The following TPM1 variants were observed in gnomAD, a reference collection of about 807,000 sequenced individuals.
TPM1 encodes tropomyosin 1.
TPM1 carries 24 observed loss-of-function variants against 42.9 expected under a neutral mutation model. The observed-to-expected ratio is 0.56, with a 90% confidence interval of 0.41 to 0.79. The LOEUF is 0.79. Among genes scored for constraint, TPM1 ranks in the 30% least tolerant of loss-of-function variants. The pLI is 0.00. For synonymous variants in TPM1, 136 were observed against 130.1 expected (o/e 1.05, Z -0.31); for missense variants, 158 against 351.8 (o/e 0.45, Z 4.41).
intron 2 of TPM1, 180 bp from the exon 3 acceptor site, chr15:63,056,805 A>G: frequency 1.3e-6 from 1 of 765,864 alleles, no homozygotes; most frequent in Non-Finnish European, 2.3e-6. Flanking sequence ...TCACTGTATA[A>G]ATCAATGTGT....
At chr15:63,044,199 C>T (rs1471498477) in intron 2 of TPM1, 47 bp downstream of exon 2, 4 of 1,613,946 alleles carry the variant, frequency 2.5e-6, no homozygotes, top group Non-Finnish European at 1.7e-6. Flanking sequence ...CCTGCGTGGC[C>T]ACTCCGGGGT....
chr15:63,063,745 C>G lies in TPM1; in HGVS notation c.773-319C>G, dbSNP rs1241117816. ...TTCCATTAGCCCCTGCCTCCCCTCA[C>G]CAGGAGACAGCCTTCTGTGGTTTCG... On this transcript the variant is annotated intron_variant, in intron 8 of 9. Coordinates refer to ENST00000403994, the MANE Select transcript of TPM1 (RefSeq NM_001018005.2). 3 of 292,528 alleles carry G rather than the reference C, an allele frequency of 1.0e-5. No individual in the cohort carries two copies. In the East Asian group the frequency reaches 2.1e-4, roughly 20 times the overall value. The allele number at this position is 292,528 out of a possible 1,614,324, so 18.1% of individuals were successfully genotyped here. A position where few individuals can be genotyped will look rare whatever the true frequency, so the allele number is the denominator to read the frequency against.
intron 2 of TPM1, among the ~76,000 whole-genome samples, chr15:63,052,857 G>T (rs1205214996): frequency 6.6e-6 from 1 of 151,982 alleles, no homozygotes; most frequent in African/African-American, 2.4e-5. Context: ...AGAATAAAAA[G>T]TAAAAATAAG....
intron 3 of TPM1, among the ~76,000 whole-genome samples, chr15:63,057,547 A>T (rs1033693039): frequency 5.3e-5 from 8 of 151,342 alleles, no homozygotes; most frequent in Non-Finnish European, 1.2e-4. Flanking sequence ...AGTTGTCAAA[A>T]TAGCTTAACA....
intron 8 of TPM1, 39 bp downstream of exon 8, chr15:63,062,684 G>T: frequency 3.7e-6 from 6 of 1,614,138 alleles, no homozygotes; most frequent in Non-Finnish European, 5.1e-6. Context: ...AATCCTTATG[G>T]TTGAATACCA....
chr15:63,066,094 T>C lies in TPM1; in HGVS notation c.*195T>C. 2 of 1,505,408 alleles carry C rather than the reference T, an allele frequency of 1.3e-6. No individual in the cohort carries two copies. Among genetic ancestry groups the C allele is most frequent in the Admixed American group, 2.4e-5 (1 of 42,226 alleles). The allele number at this position is 1,505,408 out of a possible 1,614,324, so 93.3% of individuals were successfully genotyped here. ...TGTCAAATAAACACTGTGTAAGCTA[T>C]TTCTGTTTGCTATTCTTTTTACTTC... On this transcript the variant is annotated 3_prime_UTR_variant, in exon 10 of 10. Coordinates refer to ENST00000403994, the MANE Select transcript of TPM1 (RefSeq NM_001018005.2).
At chr15:63,050,754 T>C (rs2033692117) in intron 2 of TPM1, among the ~76,000 whole-genome samples, 1 of 152,272 alleles carries the variant, frequency 6.6e-6, no homozygotes, top group Admixed American at 6.5e-5. Flanking sequence ...GGCTGCAAGT[T>C]GTTCCTAACT....
At chr15:63,048,149 T>TA (rs1257055876) in intron 2 of TPM1, 1 of 444,076 alleles carries the variant, frequency 2.3e-6, no homozygotes, top group African/African-American at 2.1e-5. Flanking sequence ...CAGGAGTCGC[T>TA]ATTGCCCTTA....
At chr15:63,058,849 C>T (rs2035189180) in intron 3 of TPM1, among the ~76,000 whole-genome samples, 1 of 152,194 alleles carries the variant, frequency 6.6e-6, no homozygotes, top group Non-Finnish European at 1.5e-5. Context: ...AAACATTACA[C>T]CACGCTATAG....
downstream of TPM1, chr15:63,070,839 T>G: frequency 2.3e-6 from 3 of 1,290,470 alleles, no homozygotes; most frequent in Non-Finnish European, 2.0e-6. Context: ...GTGCATTTTA[T>G]CCTCAGTGAA....
At chr15:63,043,930 C>A in intron 1 of TPM1, 97 bp from the exon 2 acceptor site, 2 of 1,558,182 alleles carry the variant, frequency 1.3e-6, no homozygotes, top group African/African-American at 1.4e-5. Context: ...CCCGCTGTCC[C>A]TGTCCTTCTG....
chr15:63,054,990 T>A (rs912237116), intron 2 of TPM1, among the ~76,000 whole-genome samples: 1 of 151,508 alleles, frequency 6.6e-6, no homozygotes, highest in African/African-American at 2.4e-5. Flanking sequence ...GACCCAAAAG[T>A]ATATCCTTAA....
chr15:63,050,333 C>T (rs943595605), intron 2 of TPM1, among the ~76,000 whole-genome samples: 6 of 152,150 alleles, frequency 3.9e-5, no homozygotes, highest in East Asian at 3.9e-4. Flanking sequence ...AGGAAGTGGG[C>T]GGGCTGGTAG....
intron 9 of TPM1, chr15:63,064,431 A>G: frequency 8.2e-7 from 1 of 1,219,002 alleles, no homozygotes; most frequent in Non-Finnish European, 1.0e-6. Context: ...CTTTTGGGAA[A>G]TTAAGCTAAA....
intron 1 of TPM1, chr15:63,043,479 C>T: frequency 1.4e-6 from 1 of 725,224 alleles, no homozygotes; most frequent in East Asian, 2.8e-5. Context: ...TGGACTTGAG[C>T]CCGCTGAGAC....
intron 9 of TPM1, chr15:63,064,782 G>C: frequency 1.6e-6 from 1 of 635,626 alleles, no homozygotes; most frequent in Non-Finnish European, 2.0e-6. Context: ...TGGCTAACAC[G>C]GTGAAACCCT....
At chr15:63,048,330 C>T (rs921713924) in intron 2 of TPM1, 10 of 1,050,326 alleles carry the variant, frequency 9.5e-6, no homozygotes, top group African/African-American at 1.7e-5. Flanking sequence ...GTGCCCCCAG[C>T]CAGTCCCGGG....
At chr15:63,066,195 G>T, downstream of TPM1, 1 of 1,398,708 alleles carries the variant, frequency 7.1e-7, no homozygotes, top group East Asian at 2.7e-5. Context: ...TTAGTGTTTG[G>T]CTGCTGCTTT....
chr15:63,063,146 C>T (rs937036829), intron 8 of TPM1: 1 of 981,626 alleles, frequency 1.0e-6, no homozygotes, highest in East Asian at 1.1e-4. Flanking sequence ...TATACTTAAG[C>T]ATTTCTTCCC....
Sources: gnomAD v4.1 joint callset for allele counts (sites outside exome capture counted in the v4.1 genomes callset) on GRCh38, gnomAD v4.1.1 for gene constraint, MANE v1.5 for transcripts, NCBI Gene and HGNC (gene_info 2026-07-23, HGNC 2026-07-21) for gene names.